TBC1D22A: variants seen among roughly 807,000 people sequenced by gnomAD.
The protein encoded by TBC1D22A is TBC1 domain family member 22A, also known as putative GTPase activator.
A neutral mutation model predicts 60.2 loss-of-function variants in TBC1D22A; 38 were observed. The ratio of observed to expected loss-of-function variants is 0.63; its 90% CI spans 0.49 to 0.83. TBC1D22A has a LOEUF of 0.83. TBC1D22A is among the 40% of genes least tolerant of loss of function. TBC1D22A has a pLI of 0.00. For missense variants in TBC1D22A, 628 were observed against 701.0 expected, an observed-to-expected ratio of 0.90 and a Z score of 1.18; for synonymous variants, 302 against 281.7, an observed-to-expected ratio of 1.07 and a Z score of -0.72.
In TBC1D22A at chr22:46,891,324, A is replaced by C. The variant is rs373848436; in HGVS notation, c.767A>C (p.Glu256Ala). Residue 256 changes from glutamate (E) to alanine (A), a missense_variant, in exon 6 of 13, where the codon GAA becomes GCA. By Grantham distance (107) the Glu-to-Ala change is moderately radical. Coordinates refer to ENST00000337137, the MANE Select transcript of TBC1D22A (RefSeq NM_014346.5). ...GCCACTCTCCAGAGAAAACAAAAAG[A>C]ATATTTTGCATTTATTGAGCACTAT... is the stretch of plus-strand genomic sequence containing the variant. The part of the protein sequence containing the change: ...RPATLQRKQK[E>A]YFAFIEHYYD... 1 of 1,613,590 alleles carries C rather than the reference A, an allele frequency of 6.2e-7. No homozygotes were observed. The highest frequency in any genetic ancestry group is 8.5e-7 in the Non-Finnish European group (1 of 1,179,900).
chr22:47,036,834 A>T (rs1396157726), intron 10 of TBC1D22A, among the ~76,000 whole-genome samples: 1 of 152,220 alleles, frequency 6.6e-6, no homozygotes, highest in African/African-American at 2.4e-5. Flanking sequence ...GAACATGTCC[A>T]TGATTATAAT....
intron 12 of TBC1D22A, among the ~76,000 whole-genome samples, chr22:47,158,984 A>C (rs1398758633): frequency 6.6e-6 from 1 of 150,838 alleles, no homozygotes; most frequent in Admixed American, 6.6e-5. Flanking sequence ...CACAACACAC[A>C]CCATGTATGC....
At chr22:46,822,316 G>T (rs1178008290) in intron 4 of TBC1D22A, among the ~76,000 whole-genome samples, 4 of 151,854 alleles carry the variant, frequency 2.6e-5, no homozygotes, top group Admixed American at 6.5e-5. Flanking sequence ...AGGAGATGAG[G>T]CACTCTGGCC....
chr22:47,130,431 G>A (rs2066639645), intron 12 of TBC1D22A, among the ~76,000 whole-genome samples: 1 of 151,852 alleles, frequency 6.6e-6, no homozygotes, highest in African/African-American at 2.4e-5. Flanking sequence ...GAGCCTGGCA[G>A]GGACCTACCT....
At chr22:47,007,313 A>C (rs896503592) in intron 10 of TBC1D22A, among the ~76,000 whole-genome samples, 2 of 152,128 alleles carry the variant, frequency 1.3e-5, no homozygotes, top group African/African-American at 2.4e-5. Flanking sequence ...TGTGTCCTGC[A>C]CCTCTGCAGA....
At chr22:47,032,198 C>T (rs1464523426) in intron 10 of TBC1D22A, among the ~76,000 whole-genome samples, 1 of 152,120 alleles carries the variant, frequency 6.6e-6, no homozygotes, top group Non-Finnish European at 1.5e-5. Flanking sequence ...GCACCTTCCC[C>T]AGCAGTCACC....
chr22:46,797,923 G>T (rs1601906646), intron 4 of TBC1D22A, among the ~76,000 whole-genome samples: 1 of 152,154 alleles, frequency 6.6e-6, no homozygotes, highest in East Asian at 1.9e-4. Flanking sequence ...CCTGGCTGGA[G>T]TGCAGTGGTG....
intron 5 of TBC1D22A, among the ~76,000 whole-genome samples, chr22:46,886,795 C>T (rs2068142095): frequency 6.6e-6 from 1 of 152,184 alleles, no homozygotes; most frequent in African/African-American, 2.4e-5. Context: ...GCCTGTAGGC[C>T]ATGTGGTCTC....
At chr22:46,891,518 T>G (rs1470578409) in intron 6 of TBC1D22A, 124 bp downstream of exon 6, 1 of 1,003,360 alleles carries the variant, frequency 1.0e-6, no homozygotes, top group Non-Finnish European at 1.4e-6. Context: ...GGTCCCTGAT[T>G]AGCTCACAGA....
intron 1 of TBC1D22A, among the ~76,000 whole-genome samples, chr22:46,769,093 C>CAAAAAA (rs61105868): frequency 3.3e-4 from 24 of 72,458 alleles, no homozygotes; most frequent in Non-Finnish European, 4.3e-4. Flanking sequence ...GACTCTGTCT[C>CAAAAAA]AAAAAAAAAA....
chr22:47,111,610 A>G lies in TBC1D22A; in HGVS notation c.1425+7A>G, dbSNP rs779966926. Reference sequence around the variant, plus strand: ...AGAAGAAAAAGATTTTCAAGTAAGTAAATGTCTTTTCAAAAGAACCCAAGT... The same window carrying G: ...AGAAGAAAAAGATTTTCAAGTAAGTGAATGTCTTTTCAAAAGAACCCAAGT... On this transcript the variant is annotated splice_region_variant and intron_variant, in intron 12 of 12. Coordinates refer to ENST00000337137, the MANE Select transcript of TBC1D22A (RefSeq NM_014346.5). The G allele has an allele frequency of 1.9e-6, 3 of 1,610,264 alleles. No homozygotes were observed. Among genetic ancestry groups the G allele is most frequent in the Non-Finnish European group, 2.5e-6 (3 of 1,177,802 alleles).
At chr22:47,118,812 CAT>C (rs57876670) in intron 12 of TBC1D22A, among the ~76,000 whole-genome samples, 55,860 of 144,116 alleles carry the variant, frequency 0.39, 10,543 homozygotes, top group South Asian at 0.5. Flanking sequence ...CACACACACA[CAT>C]ACATTTAAAA....
intron 3 of TBC1D22A, among the ~76,000 whole-genome samples, chr22:46,794,185 A>G (rs986995847): frequency 2.6e-5 from 4 of 152,152 alleles, no homozygotes; most frequent in African/African-American, 7.2e-5. Flanking sequence ...GCGCCTGGGG[A>G]CACTGTCTCC....
Position 46,878,735 on chromosome 22 carries a change from C to A in TBC1D22A, c.708+12C>A, listed in dbSNP as rs147051117. ...GGAAGCTCCTCTCAGTAAGTCCCAC[C>A]GCACCGCCCATCAGCGCCTCCTTCC... is the stretch of plus-strand genomic sequence containing the variant. On this transcript the variant is annotated intron_variant, in intron 5 of 12. Coordinates refer to ENST00000337137, the MANE Select transcript of TBC1D22A (RefSeq NM_014346.5). The A allele has an allele frequency of 1.2e-6, 2 of 1,612,418 alleles. No homozygotes were observed. Among genetic ancestry groups the A allele is most frequent in the Non-Finnish European group, 1.7e-6 (2 of 1,179,484 alleles).
At chr22:46,891,117 C>CT in intron 5 of TBC1D22A, 149 bp from the exon 6 acceptor site, 1 of 874,906 alleles carries the variant, frequency 1.1e-6, no homozygotes, top group Non-Finnish European at 1.6e-6. Flanking sequence ...GTGTGTGTTT[C>CT]TTTTTTCCCA....
In TBC1D22A at chr22:46,762,697, G is replaced by T; in HGVS notation, c.-90G>T. 1 of 1,187,256 alleles carries T rather than the reference G, an allele frequency of 8.4e-7. No homozygotes were observed. Among genetic ancestry groups the T allele is most frequent in the African/African-American group, 1.6e-5 (1 of 61,784 alleles). The allele number at this position is 1,187,256 out of a possible 1,614,324, so 73.5% of individuals were successfully genotyped here. On this transcript the variant is annotated 5_prime_UTR_variant, in exon 1 of 13. Coordinates refer to ENST00000337137, the MANE Select transcript of TBC1D22A (RefSeq NM_014346.5). Reference sequence around the variant, plus strand: ...CTCTGGAGTCCCGGGAGCAGTGAGGGGCCACCCGGGGCACAGGAAAGGGCC... The same window carrying T: ...CTCTGGAGTCCCGGGAGCAGTGAGGTGCCACCCGGGGCACAGGAAAGGGCC...
chr22:46,843,178 C>CT (rs1165321527), intron 4 of TBC1D22A, among the ~76,000 whole-genome samples: 2 of 152,318 alleles, frequency 1.3e-5, no homozygotes. Flanking sequence ...TGCTGCTCGC[C>CT]TTTAGCTCAG....
At chr22:46,871,878 T>C (rs1386786588) in intron 4 of TBC1D22A, among the ~76,000 whole-genome samples, 1 of 152,108 alleles carries the variant, frequency 6.6e-6, no homozygotes, top group Non-Finnish European at 1.5e-5. Context: ...ATCACTAAAA[T>C]ATAAAGTTTT....
rs889798649 is a variant in TBC1D22A at position 47,174,251 on chromosome 22, C to G, written c.*625C>G. The G allele has an allele frequency of 5.9e-5, 9 of 152,608 alleles. No homozygotes were observed. Among genetic ancestry groups the G allele is most frequent in the Non-Finnish European group, 8.8e-5 (6 of 68,250 alleles). 9.5% of individuals were successfully genotyped at this position (152,608 alleles called of 1,614,324 possible). On this transcript the variant is annotated 3_prime_UTR_variant, in exon 13 of 13. Transcript: ENST00000337137. ...GTCCAAGCCGTGAGCCCGCCGAGTG[C>G]CTGGGAGGCCGTGGGACCAAAGGCT...
Sources: gnomAD v4.1 joint callset for allele counts (sites outside exome capture counted in the v4.1 genomes callset) on GRCh38, gnomAD v4.1.1 for gene constraint, MANE v1.5 for transcripts, NCBI Gene and HGNC (gene_info 2026-07-23, HGNC 2026-07-21) for gene names.